Variants in CSF1 observed in about 807,000 individuals in gnomAD.
CSF1 encodes macrophage colony-stimulating factor 1.
In CSF1, 9 loss-of-function variants were observed where a neutral mutation model predicts 48.9. That is an observed-to-expected ratio of 0.18 (90% confidence interval 0.11 to 0.32). The LOEUF (loss-of-function observed/expected upper bound fraction) is 0.32, where lower values mean the gene tolerates loss of function less well. Among genes scored for constraint, CSF1 ranks in the 10% least tolerant of loss-of-function variants. CSF1 has a pLI of 1.00. For missense variants in CSF1, 672 were observed against 697.9 expected (o/e 0.96, Z 0.42); for synonymous variants, 305 against 284.1 (o/e 1.07, Z -0.74).
chr1:109,925,282 A>T, intron 8 of CSF1, 80 bp downstream of exon 8: 1 of 1,235,106 alleles, frequency 8.1e-7, no homozygotes, highest in Non-Finnish European at 1.2e-6. Flanking sequence ...GGTGACACCA[A>T]TTCCCCTGAG....
At chr1:109,922,478 G>A (rs1025501128) in intron 5 of CSF1, 2 of 155,648 alleles carry the variant, frequency 1.3e-5, no homozygotes, top group African/African-American at 4.8e-5. Flanking sequence ...TTTCCTCAAG[G>A]GACAAGGCTG....
At chr1:109,916,291 G>T (rs1010367516) in intron 3 of CSF1, among the ~76,000 whole-genome samples, 1 of 152,044 alleles carries the variant, frequency 6.6e-6, no homozygotes, top group East Asian at 1.9e-4. Context: ...CTCCTAACTG[G>T]TGTCTCCCTG....
chr1:109,929,910 T>A lies in CSF1; in HGVS notation c.*1072T>A, dbSNP rs1048350833. 7 of 152,414 alleles carry A rather than the reference T, an allele frequency of 4.6e-5. No homozygotes were observed. Among genetic ancestry groups the A allele is most frequent in the Non-Finnish European group, 7.3e-5 (5 of 68,148 alleles). The allele number at this position is 152,414 out of a possible 1,614,324, so 9.4% of individuals were successfully genotyped here. ...GCCCAGGTTTCTGCATCTTGCACTT[T>A]GACATTCCCAAGAGGGAAGGGACTA... is the stretch of plus-strand genomic sequence containing the variant. On this transcript the variant is annotated 3_prime_UTR_variant, in exon 9 of 9. Transcript: ENST00000329608.
chr1:109,924,475 AG>A (rs1338707018), intron 6 of CSF1, among the ~76,000 whole-genome samples: 1 of 152,094 alleles, frequency 6.6e-6, no homozygotes, highest in Non-Finnish European at 1.5e-5. Context: ...AGGGAGCTGG[AG>A]GAGGAGAGCA....
intron 4 of CSF1, among the ~76,000 whole-genome samples, chr1:109,918,545 T>C (rs1393110316): frequency 1.3e-5 from 2 of 152,200 alleles, no homozygotes; most frequent in African/African-American, 4.8e-5. Context: ...GCAAGTGGAC[T>C]GGACATGTTC....
At position 109,923,966 on chromosome 1, in the gene CSF1, C is replaced by T. The variant is rs369579772; in HGVS notation, c.1345C>T (p.Arg449Trp). 2.9e-5 allele frequency: 47 copies of T among 1,614,042 alleles called. No individual in the cohort carries two copies. The highest frequency in any genetic ancestry group is 2.2e-4 in the East Asian group (10 of 44,876). The change falls in exon 6 of 9, where the codon CGG becomes TGG. Residue 449 changes from arginine (R) to tryptophan (W), a missense_variant. Transcript: ENST00000329608. ...GGAGGGCAGGAGGAGCACCAGGGAT[C>T]GGAGGAGCCCCGCAGAGCCAGAAGG... ...ELEGRRSTRD[R>W]RSPAEPEGGP...
rs1319782419 is a variant in CSF1, at chr1:109,922,076, G to A, written c.544+82G>A. 13 of 1,481,258 alleles carry A rather than the reference G, an allele frequency of 8.8e-6. No homozygotes were observed. The South Asian group carries it at 1.5e-4, about 17-fold the overall frequency. 91.8% of individuals were successfully genotyped at this position (1,481,258 alleles called of 1,614,324 possible). A position where few individuals can be genotyped will look rare whatever the true frequency, so the allele number is the denominator to read the frequency against. The stretch of plus-strand genomic sequence containing the variant: ...TGGGAGGTGAGATGTGAAGCTGGGG[G>A]GACCCCTGGGGAGGCAGCCTGGCTG... On this transcript the variant is annotated intron_variant, in intron 5 of 8. Coordinates refer to ENST00000329608, the MANE Select transcript of CSF1 (RefSeq NM_000757.6).
intron 4 of CSF1, among the ~76,000 whole-genome samples, chr1:109,921,382 C>A (rs180992956): frequency 1.6e-4 from 25 of 152,348 alleles, no homozygotes; most frequent in Non-Finnish European, 3.2e-4. Context: ...CTGGACAGCT[C>A]TCTGGGATCC....
In CSF1 at chr1:109,914,394, C is replaced by T; in HGVS notation, c.162+13C>T. 6.3e-7 allele frequency: 1 copy of T among 1,584,294 alleles called. No individual in the cohort carries two copies. Among genetic ancestry groups the T allele is most frequent in the South Asian group, 1.2e-5 (1 of 84,680 alleles). On this transcript the variant is annotated intron_variant, in intron 2 of 8. Coordinates refer to ENST00000329608, the MANE Select transcript of CSF1 (RefSeq NM_000757.6). ...TCTGCAGCGGCTGGTGAGTGTGTGG[C>T]CATGCTGTATTCTACCTTCTCCCCA...
intron 8 of CSF1, among the ~76,000 whole-genome samples, chr1:109,925,832 C>T (rs914323367): frequency 6.6e-6 from 1 of 152,162 alleles, no homozygotes. Flanking sequence ...CCAGATCCAG[C>T]CCAGCTCCCT....
At position 109,923,818 on chromosome 1, in the gene CSF1, G is replaced by A. The variant is rs1647699593; in HGVS notation, c.1197G>A (p.Glu399=). The change falls in exon 6 of 9, where the codon GAG becomes GAA. Residue 399 remains glutamate (E), a synonymous_variant. Coordinates refer to ENST00000329608, the MANE Select transcript of CSF1 (RefSeq NM_000757.6). The part of the protein sequence containing the change: ...HPSALLRDPP[E]PGSPRISSLR... Reference sequence around the variant, plus strand: ...CTGCCCTGCTCAGAGACCCCCCGGAGCCAGGCTCTCCCAGGATCTCATCAC... The same window carrying A: ...CTGCCCTGCTCAGAGACCCCCCGGAACCAGGCTCTCCCAGGATCTCATCAC... 2 of 1,612,502 alleles carry A rather than the reference G, an allele frequency of 1.2e-6. No individual in the cohort carries two copies. Among genetic ancestry groups the A allele is most frequent in the Non-Finnish European group, 1.7e-6 (2 of 1,179,300 alleles).
intron 8 of CSF1, among the ~76,000 whole-genome samples, chr1:109,928,238 C>T (rs574700071): frequency 2.0e-4 from 30 of 152,332 alleles, no homozygotes; most frequent in Admixed American, 5.9e-4. Context: ...GCAAGGCCCT[C>T]GGCCCATCCA....
chr1:109,928,665 G>C (rs1647942132), intron 8 of CSF1, among the ~76,000 whole-genome samples, 187 bp from the exon 9 acceptor site: 1 of 152,110 alleles, frequency 6.6e-6, no homozygotes, highest in Non-Finnish European at 1.5e-5. Flanking sequence ...CCAGAGGCCT[G>C]GGCTGGTGCC....
upstream of CSF1, chr1:109,910,551 G>C: frequency 3.1e-6 from 1 of 325,202 alleles, no homozygotes; most frequent in South Asian, 2.1e-5. Context: ...TCCGCAGAGG[G>C]CGCGGGGAAG....
At position 109,917,361 on chromosome 1, in the gene CSF1, C is replaced by T. The variant is rs1647268879; in HGVS notation, c.294C>T (p.Arg98=). 1 of 1,614,206 alleles carries T rather than the reference C, an allele frequency of 6.2e-7. No individual in the cohort carries two copies. Among genetic ancestry groups the T allele is most frequent in the Non-Finnish European group, 8.5e-7 (1 of 1,180,026 alleles). Residue 98 remains arginine, a synonymous_variant, in exon 4 of 9, where the codon CGC becomes CGT. Coordinates refer to ENST00000329608, the MANE Select transcript of CSF1 (RefSeq NM_000757.6). ...AAGACATAATGGAGGACACCATGCG[C>T]TTCAGAGATAACACCCCCAATGCCA... ...LVQDIMEDTM[R]FRDNTPNAIA...
In CSF1 at chr1:109,914,188, G is replaced by A. The variant is rs540659231; in HGVS notation, c.40-71G>A. On this transcript the variant is annotated intron_variant, in intron 1 of 8. Coordinates refer to ENST00000329608, the MANE Select transcript of CSF1 (RefSeq NM_000757.6). The stretch of plus-strand genomic sequence containing the variant: ...GTAGATATGAGGCCTTTGTTTTTCT[G>A]CGTTGAGCAGGGCATGGGGATAACT... The A allele has an allele frequency of 1.7e-5, 25 of 1,481,108 alleles. No homozygotes were observed. The East Asian group carries it at 5.4e-4, about 32-fold the overall frequency. The allele number at this position is 1,481,108 out of a possible 1,614,324, so 91.7% of individuals were successfully genotyped here.
chr1:109,924,799 G>C lies in CSF1; in HGVS notation c.1593G>C (p.Ala531=). The C allele has an allele frequency of 1.9e-6, 3 of 1,602,424 alleles. No individual in the cohort carries two copies. Among genetic ancestry groups the C allele is most frequent in the Non-Finnish European group, 2.6e-6 (3 of 1,174,488 alleles). Residue 531 remains alanine, a synonymous_variant, in exon 7 of 9, where the codon GCG becomes GCC. Transcript: ENST00000329608. ...AGAGCCATCAAGAGCCTCAGAGAGCGGATTCTCCCTTGGAGCAACCAGAGG... is the reference window on the plus strand; with the variant it reads ...AGAGCCATCAAGAGCCTCAGAGAGCCGATTCTCCCTTGGAGCAACCAGAGG... ...RRRSHQEPQR[A]DSPLEQPEGS...
chr1:109,920,840 C>T (rs535952810), intron 4 of CSF1, among the ~76,000 whole-genome samples: 1 of 152,260 alleles, frequency 6.6e-6, no homozygotes, highest in South Asian at 2.1e-4. Context: ...GGAGTGAACC[C>T]TGAGGGATGG....
intron 8 of CSF1, among the ~76,000 whole-genome samples, chr1:109,927,687 C>T (rs1345749703): frequency 6.6e-6 from 1 of 152,214 alleles, no homozygotes; most frequent in Non-Finnish European, 1.5e-5. Flanking sequence ...AGGTCCAGCC[C>T]TAAGGTGGTC....
Sources: allele counts gnomAD v4.1 joint callset (sites outside exome capture counted in the v4.1 genomes callset), GRCh38; gene constraint gnomAD v4.1.1; transcripts MANE v1.5; gene names NCBI Gene and HGNC (gene_info 2026-07-23, HGNC 2026-07-21).